Variants in SYCP1 observed in about 807,000 individuals in gnomAD.
The protein encoded by SYCP1 is synaptonemal complex protein 1.
Under a neutral mutation model 153.1 loss-of-function variants are expected in SYCP1, and 64 were observed. The observed-to-expected ratio is 0.42, with a 90% CI of 0.34 to 0.51. SYCP1 has a LOEUF of 0.51. Ranked by LOEUF, SYCP1 falls within the 20% of genes least tolerant of loss-of-function variation. The pLI, the probability that SYCP1 is intolerant of heterozygous loss-of-function variation, is 0.06. For synonymous variants in SYCP1, 384 were observed against 341.8 expected (o/e 1.12, Z -1.36); for missense variants, 997 against 1,049.0 (o/e 0.95, Z 0.68).
At chr1:114,935,187 C>G (rs770964567) in intron 23 of SYCP1, among the ~76,000 whole-genome samples, 1 of 152,154 alleles carries the variant, frequency 6.6e-6, no homozygotes, top group East Asian at 1.9e-4. Flanking sequence ...TGTAAAAGAA[C>G]AGAAATTGTA....
chr1:114,939,790 C>T (rs1670267727), intron 23 of SYCP1, among the ~76,000 whole-genome samples: 1 of 151,490 alleles, frequency 6.6e-6, no homozygotes, highest in Admixed American at 6.6e-5. Flanking sequence ...AATTATGTCT[C>T]ATTGAAGTTG....
chr1:114,978,783 TC>T (rs1672959774), intron 28 of SYCP1, among the ~76,000 whole-genome samples: 1 of 151,612 alleles, frequency 6.6e-6, no homozygotes, highest in South Asian at 2.1e-4. Context: ...CTTTGTATGT[TC>T]CAGACACTGT....
intron 12 of SYCP1, among the ~76,000 whole-genome samples, chr1:114,880,826 C>T (rs546966971): frequency 3.3e-5 from 5 of 152,082 alleles, no homozygotes; most frequent in Non-Finnish European, 7.4e-5. Flanking sequence ...AGTTGGTATG[C>T]TACTAACTAC....
chr1:114,923,659 C>T, intron 21 of SYCP1, 129 bp downstream of exon 21: 1 of 911,994 alleles, frequency 1.1e-6, no homozygotes, highest in Non-Finnish European at 1.5e-6. Context: ...CTGTCATCAG[C>T]CATCAACCTT....
chr1:114,876,929 ATAT>A, intron 11 of SYCP1, 119 bp downstream of exon 11: 1 of 426,282 alleles, frequency 2.3e-6, no homozygotes, highest in Non-Finnish European at 3.9e-6. Context: ...GAGAATTTTA[ATAT>A]TATACATATA....
Position 114,886,154 on chromosome 1 carries a change from A to G in SYCP1, c.1035A>G (p.Leu345=). 6.2e-7 allele frequency: 1 copy of G among 1,606,344 alleles called. No individual in the cohort carries two copies. Residue 345 remains leucine (L), a synonymous_variant, in exon 14 of 32, where the codon TTA becomes TTG. Coordinates refer to ENST00000369522, the MANE Select transcript of SYCP1 (RefSeq NM_003176.4). ...VSTQKALEED[L]QIATKTICQL... ...CTCAAAAGGCTTTAGAGGAAGATTT[A>G]CAGATAGCAACAAAAACAATTTGTC...
intron 28 of SYCP1, among the ~76,000 whole-genome samples, chr1:114,979,428 A>T (rs1219631437): frequency 6.6e-6 from 1 of 151,772 alleles, no homozygotes; most frequent in African/African-American, 2.4e-5. Flanking sequence ...ATAGTTCAGT[A>T]TTGTCACATG....
At chr1:114,969,152 G>A (rs533978063) in intron 27 of SYCP1, among the ~76,000 whole-genome samples, 3 of 152,280 alleles carry the variant, frequency 2.0e-5, no homozygotes, top group South Asian at 4.1e-4. Context: ...CAGGAGGCAC[G>A]TGGGTCAGGG....
At chr1:114,946,450 T>A (rs2101827230) in intron 26 of SYCP1, 69 bp downstream of exon 26, 1 of 924,618 alleles carries the variant, frequency 1.1e-6, no homozygotes, top group Non-Finnish European at 1.6e-6. Context: ...TGGTAAAGAA[T>A]AATATTAAGT....
intron 30 of SYCP1, among the ~76,000 whole-genome samples, chr1:114,987,541 C>G (rs1200274962): frequency 6.6e-6 from 1 of 151,878 alleles, no homozygotes; most frequent in East Asian, 1.9e-4. Flanking sequence ...GGCACATGGC[C>G]TGTAGTCTAA....
intron 23 of SYCP1, among the ~76,000 whole-genome samples, chr1:114,932,849 G>A (rs1669728680): frequency 6.6e-6 from 1 of 152,210 alleles, no homozygotes; most frequent in Non-Finnish European, 1.5e-5. Context: ...CAGTGAGACT[G>A]GGGGAGGGGC....
intron 20 of SYCP1, among the ~76,000 whole-genome samples, chr1:114,916,380 T>C (rs1055401014): frequency 3.9e-5 from 6 of 152,112 alleles, no homozygotes; most frequent in African/African-American, 1.4e-4. Context: ...TAATGATTTC[T>C]ATGGCTTGAT....
At chr1:114,990,989 C>T (rs1049772826) in intron 30 of SYCP1, among the ~76,000 whole-genome samples, 5 of 151,962 alleles carry the variant, frequency 3.3e-5, no homozygotes, top group African/African-American at 1.2e-4. Context: ...TTGCCCTACG[C>T]ATCTCTTTAT....
chr1:114,887,765 A>G (rs1666413876), intron 15 of SYCP1, 72 bp downstream of exon 15: 1 of 938,782 alleles, frequency 1.1e-6, no homozygotes, highest in African/African-American at 1.7e-5. Context: ...ACTGTTTTGA[A>G]ATAAAATATA....
At chr1:114,926,387 C>T in intron 22 of SYCP1, 47 bp downstream of exon 22, 1 of 1,477,278 alleles carries the variant, frequency 6.8e-7, no homozygotes. Flanking sequence ...GATATTTTCA[C>T]CACAGTTTTA....
intron 27 of SYCP1, among the ~76,000 whole-genome samples, chr1:114,968,974 T>C (rs2101906517): frequency 6.6e-6 from 1 of 152,322 alleles, no homozygotes; most frequent in South Asian, 2.1e-4. Context: ...GGGGGTGTAC[T>C]CCAGACCCTG....
intron 27 of SYCP1, among the ~76,000 whole-genome samples, chr1:114,972,140 T>C (rs570227175): frequency 1.3e-5 from 2 of 152,328 alleles, no homozygotes; most frequent in South Asian, 4.1e-4. Context: ...CATGGTTCAA[T>C]CTTTGTAGAT....
Position 114,977,616 on chromosome 1 carries a change from G to T in SYCP1, c.2382G>T (p.Lys794Asn). The change falls in exon 28 of 32, where the codon AAG becomes AAT. Residue 794 changes from lysine (K) to asparagine (N), a missense_variant and splice_region_variant. Transcript: ENST00000369522. The part of the protein sequence containing the change: ...NTATLKEKKD[K>N]KTQTFLLETP... ...CTACTCTTAAAGAAAAAAAAGACAA[G>T]GTAAGAGCATATAATTCTCATAGTT... 6.7e-7 allele frequency: 1 copy of T among 1,493,552 alleles called. No homozygotes were observed. The highest frequency in any genetic ancestry group is 9.0e-7 in the Non-Finnish European group (1 of 1,112,706). 92.5% of individuals were successfully genotyped at this position (1,493,552 alleles called of 1,614,324 possible). A position where few individuals can be genotyped will look rare whatever the true frequency, so the allele number is the denominator to read the frequency against.
chr1:114,954,607 A>G lies in SYCP1; in HGVS notation c.2322+7287A>G, dbSNP rs924042756. On this transcript the variant is annotated intron_variant, in intron 27 of 31. Transcript: ENST00000369522. ...TTTTATTTATTTATTTTTGAGACGGAGTCTTGCTCTGTCACCAGGCTGGAG... is the reference window on the plus strand; with the variant it reads ...TTTTATTTATTTATTTTTGAGACGGGGTCTTGCTCTGTCACCAGGCTGGAG... Among the ~76,000 whole-genome samples, 5 of 143,366 alleles carry G rather than the reference A, an allele frequency of 3.5e-5. No individual in the cohort carries two copies. In the South Asian group the frequency reaches 1.1e-3, roughly 30 times the overall value. The allele number at this position is 143,366 out of a possible 152,430, so 94.1% of individuals were successfully genotyped here. A position where few individuals can be genotyped will look rare whatever the true frequency, so the allele number is the denominator to read the frequency against.
Sources: allele counts gnomAD v4.1 joint callset (sites outside exome capture counted in the v4.1 genomes callset), GRCh38; gene constraint gnomAD v4.1.1; transcripts MANE v1.5; gene names NCBI Gene and HGNC (gene_info 2026-07-23, HGNC 2026-07-21).